The following CHERP variants were observed in gnomAD, a reference collection of about 807,000 sequenced individuals.
The protein encoded by CHERP is calcium homeostasis endoplasmic reticulum protein, also known as ERPROT 213-21.
In CHERP, 8 loss-of-function variants were observed where a neutral mutation model predicts 113.8. The ratio of observed to expected loss-of-function variants is 0.07; its 90% CI spans 0.04 to 0.13. CHERP has a LOEUF of 0.13. CHERP is among the 10% of genes least tolerant of loss of function. The pLI, the probability that CHERP is intolerant of heterozygous loss-of-function variation, is 1.00. For missense variants in CHERP, 884 were observed against 1,298.2 expected, an observed-to-expected ratio of 0.68 and a Z score of 4.90; for synonymous variants, 559 against 524.5, an observed-to-expected ratio of 1.07 and a Z score of -0.90.
intron 3 of CHERP, among the ~76,000 whole-genome samples, chr19:16,534,480 T>G (rs1024360907): frequency 6.6e-6 from 1 of 152,060 alleles, no homozygotes; most frequent in Non-Finnish European, 1.5e-5. Flanking sequence ...AGTATTTTAT[T>G]TATTTATTTT....
chr19:16,519,614 G>T lies in CHERP; in HGVS notation c.2557+7C>A. 6.2e-7 allele frequency: 1 copy of T among 1,612,908 alleles called. No homozygotes were observed. Among genetic ancestry groups the T allele is most frequent in the Non-Finnish European group, 8.5e-7 (1 of 1,179,022 alleles). ...CATCCCGCGCCCTCCCCATTCCCTC[G>T]CCTTACCCATCTTCACCAGCATCTG... On this transcript the variant is annotated splice_region_variant and intron_variant, in intron 16 of 16. Transcript: ENST00000546361. The surrounding 1 kb of genome is among the most constrained non-coding windows in gnomAD (Gnocchi z 6.0).
In CHERP at chr19:16,530,533, G is replaced by C; in HGVS notation, c.876+52C>G. 1 of 1,566,906 alleles carries C rather than the reference G, an allele frequency of 6.4e-7. No homozygotes were observed. Among genetic ancestry groups the C allele is most frequent in the Non-Finnish European group, 8.8e-7 (1 of 1,138,246 alleles). On this transcript the variant is annotated intron_variant, in intron 7 of 16. Transcript: ENST00000546361. The surrounding 1 kb of genome is among the most constrained non-coding windows in gnomAD (Gnocchi z 4.1). The stretch of plus-strand genomic sequence containing the variant: ...TGTCCCCACACTCCCAAACCCTCCT[G>C]GGGAACCCGCCCCAGCTCTAGGGTG...
chr19:16,528,357 C>T (rs2122262860), intron 8 of CHERP, 102 bp from the exon 9 acceptor site: 1 of 1,171,958 alleles, frequency 8.5e-7, no homozygotes, highest in Non-Finnish European at 1.2e-6. Context: ...TTTTAGTGCC[C>T]AGTGGATGAT....
At chr19:16,531,599 G>T (rs910523084) in intron 5 of CHERP, among the ~76,000 whole-genome samples, 2 of 152,246 alleles carry the variant, frequency 1.3e-5, no homozygotes, top group Non-Finnish European at 2.9e-5. Flanking sequence ...GGCTGGGCGA[G>T]CAGCACTTGG....
Position 16,519,248 on chromosome 19 carries a change from C to T in CHERP, c.2662G>A (p.Val888Met), listed in dbSNP as rs769777301. The stretch of plus-strand genomic sequence containing the variant: ...TTCTCATAGGGGTCATCCAGAGCCA[C>T]GCCCACGCCTTTATACTGGTCCCAC... ...DKWDQYKGVG[V>M]ALDDPYENYR... The change falls in exon 17 of 17, where the codon GTG (valine) becomes ATG (methionine). Residue 888 changes from valine to methionine, a missense_variant. Physicochemically the swap from Val to Met is conservative, Grantham distance 21. Around this residue, in one of 8 missense-constraint regions of CHERP, gnomAD observed 42 missense variants for 105.1 expected, o/e 0.40. Coordinates refer to ENST00000546361, the MANE Select transcript of CHERP (RefSeq NM_006387.6). The surrounding 1 kb of genome is among the most constrained non-coding windows in gnomAD (Gnocchi z 6.0). The T allele has an allele frequency of 1.1e-5, 17 of 1,614,058 alleles. No individual in the cohort carries two copies. Among genetic ancestry groups the T allele is most frequent in the South Asian group, 2.2e-5 (2 of 91,084 alleles).
chr19:16,535,831 G>C lies in CHERP; in HGVS notation c.200-195C>G, dbSNP rs2085737793. 6.6e-6 allele frequency among the ~76,000 whole-genome samples: 1 copy of C among 152,144 alleles called. No homozygotes were observed. Among genetic ancestry groups the C allele is most frequent in the African/African-American group, 2.4e-5 (1 of 41,432 alleles). ...CTGCCCTCCCTCTCACAGGATCCCA[G>C]CCTCAGCATTCCATCTTCGGGCCGT... On this transcript the variant is annotated intron_variant, in intron 2 of 16. Transcript: ENST00000546361. This position sits in a 1 kb window ranked among gnomAD's most constrained non-coding sequence, Gnocchi z 4.3.
chr19:16,541,886 C>T lies in CHERP; in HGVS notation c.183G>A (p.Ala61=). ...GGGACTCACGCTGCTGCTGCTCCAG[C>T]GCCAGCTTGCACTTGTAGTAACTGT... The part of the protein sequence containing the change: ...EFYSYYKCKL[A]LEQQQLICKQ... Residue 61 remains alanine, a synonymous_variant, in exon 2 of 17, where the codon GCG becomes GCA. Transcript: ENST00000546361. The T allele has an allele frequency of 3.1e-6, 5 of 1,612,680 alleles. No homozygotes were observed. Among genetic ancestry groups the T allele is most frequent in the Non-Finnish European group, 4.2e-6 (5 of 1,179,698 alleles).
intron 2 of CHERP, among the ~76,000 whole-genome samples, chr19:16,537,082 G>T (rs773010371): frequency 5.9e-5 from 9 of 152,004 alleles, no homozygotes; most frequent in Non-Finnish European, 1.0e-4. Flanking sequence ...TTTACCCCAT[G>T]ATCCCTCTCT....
chr19:16,540,838 C>T (rs547839922), intron 2 of CHERP, among the ~76,000 whole-genome samples: 9 of 151,684 alleles, frequency 5.9e-5, no homozygotes, highest in Non-Finnish European at 1.2e-4. Flanking sequence ...GCTGGGACTA[C>T]AGGCGCGGGC....
At position 16,520,968 on chromosome 19, in the gene CHERP, G is replaced by T; in HGVS notation, c.2115-56C>A. 2 of 1,456,420 alleles carry T rather than the reference G, an allele frequency of 1.4e-6. No homozygotes were observed. Among genetic ancestry groups the T allele is most frequent in the Non-Finnish European group, 1.9e-6 (2 of 1,039,858 alleles). 90.2% of individuals were successfully genotyped at this position (1,456,420 alleles called of 1,614,324 possible). On this transcript the variant is annotated intron_variant, in intron 12 of 16. Transcript: ENST00000546361. The surrounding 1 kb of genome is among the most constrained non-coding windows in gnomAD (Gnocchi z 4.0). The stretch of plus-strand genomic sequence containing the variant: ...CGTGACACCCACCCACAAGGAAGTC[G>T]TGAAAAAGTCATCAGGAGTTAATCC...
intron 2 of CHERP, among the ~76,000 whole-genome samples, chr19:16,536,088 A>C (rs539751142): frequency 6.6e-6 from 1 of 152,102 alleles, no homozygotes; most frequent in South Asian, 2.1e-4. Flanking sequence ...TGTCACAGCC[A>C]CCGGGCCTCT....
At position 16,535,875 on chromosome 19, in the gene CHERP, A is replaced by G. The variant is rs1405611637; in HGVS notation, c.200-239T>C. 1.3e-5 allele frequency among the ~76,000 whole-genome samples: 2 copies of G among 151,912 alleles called. No homozygotes were observed. Among genetic ancestry groups the G allele is most frequent in the Admixed American group, 6.5e-5 (1 of 15,280 alleles). On this transcript the variant is annotated intron_variant, in intron 2 of 16. Coordinates refer to ENST00000546361, the MANE Select transcript of CHERP (RefSeq NM_006387.6). This position sits in a 1 kb window ranked among gnomAD's most constrained non-coding sequence, Gnocchi z 4.3. The stretch of plus-strand genomic sequence containing the variant: ...GGGCCGTCCCCTCCTCGGAGAACCT[A>G]GGAAGTCCCCTGGCCGCTCTCTCGC...
chr19:16,539,805 A>C (rs1156813365), intron 2 of CHERP: 1 of 152,180 alleles, frequency 6.6e-6, no homozygotes, highest in Non-Finnish European at 1.5e-5. Flanking sequence ...GGGCCAGTTC[A>C]CCACCCCTTA....
chr19:16,530,480 G>A lies in CHERP; in HGVS notation c.876+105C>T, dbSNP rs1304685184. On this transcript the variant is annotated intron_variant, in intron 7 of 16. Coordinates refer to ENST00000546361, the MANE Select transcript of CHERP (RefSeq NM_006387.6). The surrounding 1 kb of genome is among the most constrained non-coding windows in gnomAD (Gnocchi z 4.1). ...CTCCTAGCACAGGCAGGGGACATGG[G>A]CTCTCTGGCTGCTGGGGTGGCAGCT... is the stretch of plus-strand genomic sequence containing the variant. 20 of 1,018,652 alleles carry A rather than the reference G, an allele frequency of 2.0e-5. No homozygotes were observed. Among genetic ancestry groups the A allele is most frequent in the South Asian group, 4.0e-5 (3 of 75,718 alleles). 63.1% of individuals were successfully genotyped at this position (1,018,652 alleles called of 1,614,324 possible).
rs11086032 is a variant in CHERP, at chr19:16,523,699, C to T, written c.1742-409G>A. Among the ~76,000 whole-genome samples, 3,553 of 152,016 alleles carry T rather than the reference C, an allele frequency of 0.023. 118 individuals carry two copies. Among genetic ancestry groups the T allele is most frequent in the Admixed American group, 0.081 (1,231 of 15,260 alleles). Reference sequence around the variant, plus strand: ...GGCCCGAATCCAACGTGACTGTTGCCGTTATAATAAGAGATTAGGACACAG... The same window carrying T: ...GGCCCGAATCCAACGTGACTGTTGCTGTTATAATAAGAGATTAGGACACAG... On this transcript the variant is annotated intron_variant, in intron 10 of 16. Transcript: ENST00000546361. This position sits in a 1 kb window ranked among gnomAD's most constrained non-coding sequence, Gnocchi z 4.0.
Position 16,520,180 on chromosome 19 carries a change from G to A in CHERP, c.2431C>T (p.Arg811Cys), listed in dbSNP as rs767301108. 5.0e-6 allele frequency: 8 copies of A among 1,613,072 alleles called. No homozygotes were observed. Among genetic ancestry groups the A allele is most frequent in the South Asian group, 2.2e-5 (2 of 91,058 alleles). ...GTGGGGCTCCTGGACCGTGACCGGC[G>A]TCTTCTTCCTGGGGAGTACGACTTG... ...RSKSYSPGRR[R>C]RSRSRSPTPP... The change falls in exon 15 of 17, where the codon CGC (arginine) becomes TGC (cysteine). Residue 811 changes from arginine (R) to cysteine (C), a missense_variant. By Grantham distance (180) the Arg-to-Cys change is radical. Transcript: ENST00000546361. The surrounding 1 kb of genome is among the most constrained non-coding windows in gnomAD (Gnocchi z 4.0).
At chr19:16,533,242 T>A (rs1212128792) in intron 3 of CHERP, 94 bp from the exon 4 acceptor site, 2 of 1,271,992 alleles carry the variant, frequency 1.6e-6, no homozygotes, top group African/African-American at 3.0e-5. Context: ...GGTGGGGACA[T>A]GGTGGCGATG....
At position 16,535,238 on chromosome 19, in the gene CHERP, G is replaced by A. The variant is rs1307405832; in HGVS notation, c.384+214C>T. Among the ~76,000 whole-genome samples, 1 of 152,218 alleles carries A rather than the reference G, an allele frequency of 6.6e-6. No homozygotes were observed. Among genetic ancestry groups the A allele is most frequent in the Non-Finnish European group, 1.5e-5 (1 of 68,022 alleles). ...AGGGGGGTCCACCCCAGGGTGATGG[G>A]TGCACGCACGTCCAGTGGCTTCACT... On this transcript the variant is annotated intron_variant, in intron 3 of 16. Transcript: ENST00000546361. The surrounding 1 kb of genome is among the most constrained non-coding windows in gnomAD (Gnocchi z 4.3).
chr19:16,520,113 A>C lies in CHERP; in HGVS notation c.2462+36T>G. ...TCACAGCAAAGCACCGCAGCTTCCC[A>C]GAGTTACCAGCGCAGCACTTAAGAC... is the stretch of plus-strand genomic sequence containing the variant. On this transcript the variant is annotated intron_variant, in intron 15 of 16. Coordinates refer to ENST00000546361, the MANE Select transcript of CHERP (RefSeq NM_006387.6). This position sits in a 1 kb window ranked among gnomAD's most constrained non-coding sequence, Gnocchi z 4.0. 3 of 1,589,904 alleles carry C rather than the reference A, an allele frequency of 1.9e-6. No individual in the cohort carries two copies. Among genetic ancestry groups the C allele is most frequent in the Non-Finnish European group, 1.7e-6 (2 of 1,161,132 alleles).
Sources: allele counts gnomAD v4.1 joint callset (sites outside exome capture counted in the v4.1 genomes callset), GRCh38; gene constraint gnomAD v4.1.1; regional missense constraint gnomAD v4.1.1; non-coding constraint Gnocchi (gnomAD v3.1); transcripts MANE v1.5; gene names NCBI Gene and HGNC (gene_info 2026-07-23, HGNC 2026-07-21).